Variants in TMEM245 observed in about 807,000 individuals in gnomAD.
The protein encoded by TMEM245 is transmembrane protein 245, also known as protein CG-2.
Under a neutral mutation model 101.2 loss-of-function variants are expected in TMEM245, and 69 were observed. The ratio of observed to expected loss-of-function variants is 0.68; its 90% CI spans 0.56 to 0.83. The LOEUF is 0.83. TMEM245 is among the 40% of genes least tolerant of loss of function. The pLI is 0.00. For synonymous variants in TMEM245, 537 were observed against 449.8 expected (o/e 1.19, Z -2.45); for missense variants, 1,075 against 1,092.8 (o/e 0.98, Z 0.23).
intron 3 of TMEM245, among the ~76,000 whole-genome samples, chr9:109,104,051 C>T (rs1307815350): frequency 6.6e-6 from 1 of 151,898 alleles, no homozygotes; most frequent in Non-Finnish European, 1.5e-5. Flanking sequence ...TGCCACTGCA[C>T]TCCAGCCCGG....
intron 1 of TMEM245, among the ~76,000 whole-genome samples, chr9:109,110,009 A>T (rs1284196353): frequency 6.6e-6 from 1 of 152,144 alleles, no homozygotes; most frequent in Non-Finnish European, 1.5e-5. Flanking sequence ...TTTAATAAGC[A>T]CTAATTCTTT....
In TMEM245 at chr9:109,036,174, T is replaced by C. The variant is rs534279677; in HGVS notation, c.2399+32A>G. ...AAAAAAAACGGAAATGCCTGGATGA[T>C]TCACTAATAAGAAATTCTGTGGCTT... On this transcript the variant is annotated intron_variant, in intron 16 of 17. Transcript: ENST00000374586. 6 of 1,525,096 alleles carry C rather than the reference T, an allele frequency of 3.9e-6. No individual in the cohort carries two copies. In the Admixed American group the frequency reaches 9.3e-5, roughly 24 times the overall value. 94.5% of individuals were successfully genotyped at this position (1,525,096 alleles called of 1,614,324 possible).
chr9:109,061,667 C>T (rs1490452561), intron 10 of TMEM245, among the ~76,000 whole-genome samples: 2 of 151,782 alleles, frequency 1.3e-5, no homozygotes, highest in African/African-American at 2.4e-5. Context: ...CTCCCAGGTT[C>T]GAGCAATTCT....
chr9:109,102,081 G>A (rs1463404623), intron 3 of TMEM245, among the ~76,000 whole-genome samples: 1 of 152,122 alleles, frequency 6.6e-6, no homozygotes, highest in Non-Finnish European at 1.5e-5. Context: ...TTAGGTGAAA[G>A]AAAACAAAGG....
At chr9:109,103,027 T>G (rs1423504234) in intron 3 of TMEM245, among the ~76,000 whole-genome samples, 1 of 152,222 alleles carries the variant, frequency 6.6e-6, no homozygotes, top group Non-Finnish European at 1.5e-5. Context: ...TTTGCAGATA[T>G]AGGTCACTCA....
intron 7 of TMEM245, among the ~76,000 whole-genome samples, chr9:109,082,110 T>C (rs1448828049): frequency 6.6e-6 from 1 of 152,224 alleles, no homozygotes; most frequent in Non-Finnish European, 1.5e-5. Context: ...AAGCAAAGAA[T>C]GTTGGTTAAA....
chr9:109,023,600 C>T (rs574167968), intron 17 of TMEM245, among the ~76,000 whole-genome samples: 1 of 151,982 alleles, frequency 6.6e-6, no homozygotes, highest in Non-Finnish European at 1.5e-5. Context: ...TTTGGGAGGC[C>T]GAGGCAGGTG....
chr9:109,091,025 CTTCT>C lies in TMEM245; in HGVS notation c.1043_1046del (p.Lys348ArgfsTer11). The C allele has an allele frequency of 3.1e-6, 5 of 1,614,178 alleles. No individual in the cohort carries two copies. The highest frequency in any genetic ancestry group is 4.2e-6 in the Non-Finnish European group (5 of 1,180,032). On this transcript the variant is annotated frameshift_variant, in exon 5 of 18. Coordinates refer to ENST00000374586, the MANE Select transcript of TMEM245 (RefSeq NM_032012.4). LOFTEE classifies it high-confidence loss of function. ...ACACAAAGTAGATGTCACTAGTTTT[CTTCT>C]TTCTAAGAAACGTTCCTATTTCAGG...
intron 12 of TMEM245, among the ~76,000 whole-genome samples, chr9:109,054,233 A>G (rs531268369): frequency 4.3e-4 from 65 of 152,278 alleles, no homozygotes; most frequent in Middle Eastern, 3.4e-3. Flanking sequence ...CAGGAGGAAG[A>G]AGGAGGAGGA....
At chr9:109,081,916 T>A (rs886578382) in intron 7 of TMEM245, among the ~76,000 whole-genome samples, 1 of 114,748 alleles carries the variant, frequency 8.7e-6, no homozygotes, top group African/African-American at 3.7e-5. Flanking sequence ...ATATACTTGA[T>A]AGATTGCTAG....
At chr9:109,023,836 CAAAAAAAAAA>C (rs139227712) in intron 17 of TMEM245, among the ~76,000 whole-genome samples, 1 of 82,800 alleles carries the variant, frequency 1.2e-5, no homozygotes, top group African/African-American at 4.2e-5. Context: ...ACTCTGTTTC[CAAAAAAAAAA>C]AAAAAAAGAA....
intron 12 of TMEM245, among the ~76,000 whole-genome samples, chr9:109,052,929 C>T (rs2132401059): frequency 6.6e-6 from 1 of 152,052 alleles, no homozygotes; most frequent in Admixed American, 6.5e-5. Context: ...AAAAAAGTAA[C>T]CTTTCCTATT....
intron 8 of TMEM245, among the ~76,000 whole-genome samples, chr9:109,078,426 T>C (rs1829578967): frequency 6.6e-6 from 1 of 152,248 alleles, no homozygotes; most frequent in African/African-American, 2.4e-5. Flanking sequence ...GCATTCCATA[T>C]AAGTGCAGGT....
At chr9:109,065,118 C>T (rs1449817597) in intron 9 of TMEM245, among the ~76,000 whole-genome samples, 4 of 152,078 alleles carry the variant, frequency 2.6e-5, no homozygotes, top group Admixed American at 6.6e-5. Context: ...ACCCACTTTC[C>T]CCACAACCTC....
At chr9:109,059,586 G>T (rs534795851) in intron 11 of TMEM245, among the ~76,000 whole-genome samples, 4 of 152,258 alleles carry the variant, frequency 2.6e-5, no homozygotes, top group Admixed American at 2.0e-4. Flanking sequence ...GGAGGCTGAG[G>T]CAGGAGGATC....
At chr9:109,078,102 T>C (rs1829566691) in intron 8 of TMEM245, among the ~76,000 whole-genome samples, 2 of 152,224 alleles carry the variant, frequency 1.3e-5, no homozygotes, top group Admixed American at 1.3e-4. Flanking sequence ...TTATCTCATC[T>C]TTTAATTTAT....
intron 14 of TMEM245, among the ~76,000 whole-genome samples, chr9:109,044,076 T>C (rs888340865): frequency 4.6e-5 from 7 of 152,240 alleles, no homozygotes; most frequent in African/African-American, 1.7e-4. Context: ...AATGATTGTT[T>C]ACAATGTTAA....
chr9:109,063,253 C>T (rs1424954511), intron 10 of TMEM245, among the ~76,000 whole-genome samples: 2 of 151,884 alleles, frequency 1.3e-5, no homozygotes, highest in Non-Finnish European at 2.9e-5. Context: ...CTGAGTAGCT[C>T]GGATTACAGG....
intron 14 of TMEM245, chr9:109,046,176 A>G: frequency 1.9e-6 from 1 of 525,290 alleles, no homozygotes; most frequent in Non-Finnish European, 3.9e-6. Flanking sequence ...ACTGGCACTG[A>G]AAAGCTGTAA....
Sources: gnomAD v4.1 joint callset for allele counts (sites outside exome capture counted in the v4.1 genomes callset) on GRCh38, gnomAD v4.1.1 for gene constraint, MANE v1.5 for transcripts, NCBI Gene and HGNC (gene_info 2026-07-23, HGNC 2026-07-21) for gene names.